The following CNN2 variants were observed in gnomAD, a reference collection of about 807,000 sequenced individuals.
The protein encoded by CNN2 is calponin 2.
In CNN2, 21 loss-of-function variants were observed where a neutral mutation model predicts 31.0. The observed-to-expected ratio is 0.68, with a 90% CI of 0.48 to 0.98. CNN2 has a LOEUF of 0.98. CNN2 is among the 50% of genes least tolerant of loss of function. CNN2 has a pLI of 0.00. For synonymous variants in CNN2, 165 were observed against 179.6 expected (o/e 0.92, Z 0.65); for missense variants, 399 against 427.3 (o/e 0.93, Z 0.58).
intron 1 of CNN2, among the ~76,000 whole-genome samples, chr19:1,027,342 T>G (rs1428173254): frequency 6.6e-6 from 1 of 152,206 alleles, no homozygotes; most frequent in Non-Finnish European, 1.5e-5. Flanking sequence ...TCTCTGAAGG[T>G]GGCCCTGAGA....
rs1009456587 is a variant in CNN2, at chr19:1,036,130, G to A, written c.391G>A (p.Ala131Thr). 1.2e-6 allele frequency: 2 copies of A among 1,607,666 alleles called. No individual in the cohort carries two copies. Among genetic ancestry groups the A allele is most frequent in the Non-Finnish European group, 1.7e-6 (2 of 1,176,552 alleles). The change falls in exon 5 of 7, where the codon GCC becomes ACC. Residue 131 changes from alanine to threonine, a missense_variant and splice_region_variant. Ala to Thr is a moderately conservative substitution (Grantham distance 58). Transcript: ENST00000263097. ...CTCCCGGCCCCTTTCCCTCACCCAG[G>A]CCAAGACTAAGGGGCTGCAGAGCGG... is the stretch of plus-strand genomic sequence containing the variant. ...QVSLLALAGKAKTKGLQSGVD... is the reference protein window; with the variant it reads ...QVSLLALAGKTKTKGLQSGVD...
intron 1 of CNN2, among the ~76,000 whole-genome samples, chr19:1,030,750 T>G (rs1247321313): frequency 6.6e-6 from 1 of 150,906 alleles, no homozygotes; most frequent in Non-Finnish European, 1.5e-5. Context: ...AGCGGGGAGG[T>G]GAGAAGGCAG....
At chr19:1,030,867 T>C in intron 1 of CNN2, 1 of 564,466 alleles carries the variant, frequency 1.8e-6, no homozygotes, top group Non-Finnish European at 3.1e-6. Flanking sequence ...GAGGGCGGTT[T>C]ATCTGTGCCC....
intron 1 of CNN2, among the ~76,000 whole-genome samples, chr19:1,028,331 G>C (rs1290369651): frequency 1.3e-5 from 2 of 152,132 alleles, no homozygotes; most frequent in African/African-American, 4.8e-5. Flanking sequence ...CGCTTAGCAG[G>C]CTCCCCGCGC....
At chr19:1,031,724 C>T (rs1012432860) in intron 2 of CNN2, among the ~76,000 whole-genome samples, 17 of 150,670 alleles carry the variant, frequency 1.1e-4, no homozygotes, top group Admixed American at 4.6e-4. Flanking sequence ...AAGTGATTCC[C>T]CTGCCTCAGC....
chr19:1,037,821 C>T lies in CNN2; in HGVS notation c.851C>T (p.Pro284Leu). 1 of 1,608,444 alleles carries T rather than the reference C, an allele frequency of 6.2e-7. No individual in the cohort carries two copies. ...CAAGGCACAGTGGCCGATGGGGCTC[C>T]CTCGGGCACCGGCGACTGCCCGGAC... The part of the protein sequence containing the change: ...CPQGTVADGA[P>L]SGTGDCPDPG... The change falls in exon 7 of 7, where the codon CCC (proline) becomes CTC (leucine). Residue 284 changes from proline (P) to leucine (L), a missense_variant. Physicochemically the swap from Pro to Leu is moderately conservative, Grantham distance 98. Coordinates refer to ENST00000263097, the MANE Select transcript of CNN2 (RefSeq NM_004368.4).
At position 1,026,674 on chromosome 19, in the gene CNN2, C is replaced by A; in HGVS notation, c.13C>A (p.Gln5Lys). Residue 5 changes from glutamine (Q) to lysine (K), a missense_variant, in exon 1 of 7, where the codon CAG becomes AAG. Coordinates refer to ENST00000263097, the MANE Select transcript of CNN2 (RefSeq NM_004368.4). ...CCGCCCGCCAGCCATGAGCTCCACGCAGTTCAACAAGGGCCCCTCGTACGG... is the reference window on the plus strand; with the variant it reads ...CCGCCCGCCAGCCATGAGCTCCACGAAGTTCAACAAGGGCCCCTCGTACGG... MSST[Q>K]FNKGPSYGLS... is the part of the protein sequence containing the mutation. 6.5e-7 allele frequency: 1 copy of A among 1,547,500 alleles called. No individual in the cohort carries two copies. Among genetic ancestry groups the A allele is most frequent in the African/African-American group, 1.4e-5 (1 of 72,612 alleles).
At chr19:1,032,370 C>A (rs10401325) in intron 2 of CNN2, 22 bp from the exon 3 acceptor site, 5 of 1,612,562 alleles carry the variant, frequency 3.1e-6, no homozygotes, top group Non-Finnish European at 4.2e-6. Flanking sequence ...CTGTTTCCCC[C>A]GCCCCATGTT....
At position 1,036,535 on chromosome 19, in the gene CNN2, G is replaced by C. The variant is rs777565435; in HGVS notation, c.627G>C (p.Gln209His). ...TGGACCACTCGACCATCAGCCTCCA[G>C]ATGGGCACGAACAAGTGTGCCAGCC... Reference protein sequence around the residue: ...PPMDHSTISLQMGTNKCASQV... With the variant: ...PPMDHSTISLHMGTNKCASQV... The change falls in exon 6 of 7, where the codon CAG (glutamine) becomes CAC (histidine). Residue 209 changes from glutamine to histidine, a missense_variant. Gln to His is a conservative substitution (Grantham distance 24). Transcript: ENST00000263097. 1.1e-5 allele frequency: 18 copies of C among 1,613,612 alleles called. No homozygotes were observed. Among genetic ancestry groups the C allele is most frequent in the Non-Finnish European group, 1.5e-5 (18 of 1,179,700 alleles).
intron 1 of CNN2, chr19:1,026,971 A>C: frequency 1.1e-5 from 5 of 465,994 alleles, no homozygotes; most frequent in African/African-American, 2.1e-5. Flanking sequence ...CCCCCCCAAC[A>C]TCTAGGGGTA....
intron 1 of CNN2, among the ~76,000 whole-genome samples, chr19:1,027,760 C>T (rs2039421994): frequency 1.3e-5 from 2 of 152,144 alleles, no homozygotes. Context: ...CACTGGGCAC[C>T]TGGGAAGGTG....
chr19:1,026,813 C>T (rs1250309669), intron 1 of CNN2, 89 bp downstream of exon 1: 7 of 1,306,182 alleles, frequency 5.4e-6, no homozygotes, highest in East Asian at 2.9e-5. Context: ...CCCGGCACCT[C>T]CCGGGCAGGG....
At chr19:1,032,514 G>A in intron 3 of CNN2, 45 bp from the exon 4 acceptor site, 2 of 1,613,442 alleles carry the variant, frequency 1.2e-6, no homozygotes, top group Non-Finnish European at 1.7e-6. Context: ...CTAACAGGTG[G>A]GGAGACTGAG....
At chr19:1,028,706 G>A (rs868551199) in intron 1 of CNN2, among the ~76,000 whole-genome samples, 73 of 152,176 alleles carry the variant, frequency 4.8e-4, no homozygotes, top group Middle Eastern at 3.4e-3. Flanking sequence ...CAGCGGGGGG[G>A]CGGGGGTGGG....
At chr19:1,037,540 G>A in intron 6 of CNN2, 85 bp from the exon 7 acceptor site, 9 of 1,530,088 alleles carry the variant, frequency 5.9e-6, no homozygotes, top group Non-Finnish European at 7.1e-6. Flanking sequence ...CCAAAGTGCT[G>A]GGATTACAGG....
intron 6 of CNN2, 60 bp downstream of exon 6, chr19:1,036,622 G>A (rs777495051): frequency 1.5e-5 from 24 of 1,606,960 alleles, no homozygotes; most frequent in Admixed American, 3.3e-5. Flanking sequence ...CTGTGGTCTC[G>A]GCCCCTCCCT....
rs2039628824 is a variant in CNN2 at position 1,038,033 on chromosome 19, G to A, written c.*133G>A. 3 of 924,378 alleles carry A rather than the reference G, an allele frequency of 3.2e-6. No homozygotes were observed. The highest frequency in any genetic ancestry group is 3.2e-6 in the Non-Finnish European group (2 of 628,872). 57.3% of individuals were successfully genotyped at this position (924,378 alleles called of 1,614,324 possible). On this transcript the variant is annotated 3_prime_UTR_variant, in exon 7 of 7. Transcript: ENST00000263097. Reference sequence around the variant, plus strand: ...CAACCAAGGGTCTGTGAGTGTCAGCGTGGGATCAGGCAGCAGAGCTTTTTT... The same window carrying A: ...CAACCAAGGGTCTGTGAGTGTCAGCATGGGATCAGGCAGCAGAGCTTTTTT...
In CNN2 at chr19:1,037,936, C is replaced by G. The variant is rs991886423; in HGVS notation, c.*36C>G. 7.0e-7 allele frequency: 1 copy of G among 1,433,592 alleles called. No homozygotes were observed. Among genetic ancestry groups the G allele is most frequent in the South Asian group, 1.4e-5 (1 of 73,010 alleles). The allele number at this position is 1,433,592 out of a possible 1,614,324, so 88.8% of individuals were successfully genotyped here. On this transcript the variant is annotated 3_prime_UTR_variant, in exon 7 of 7. Coordinates refer to ENST00000263097, the MANE Select transcript of CNN2 (RefSeq NM_004368.4). ...ACGCTCTCTCCCCACATCGTCTGCCCATCTGGGTTTTTGGGTTTTTCTGTG... is the reference window on the plus strand; with the variant it reads ...ACGCTCTCTCCCCACATCGTCTGCCGATCTGGGTTTTTGGGTTTTTCTGTG...
At position 1,026,857 on chromosome 19, in the gene CNN2, C is replaced by T. The variant is rs1361646095; in HGVS notation, c.63+133C>T. 9.9e-6 allele frequency: 8 copies of T among 810,436 alleles called. No individual in the cohort carries two copies. The East Asian group carries it at 2.0e-4, about 20-fold the overall frequency. The allele number at this position is 810,436 out of a possible 1,614,324, so 50.2% of individuals were successfully genotyped here. Reference sequence around the variant, plus strand: ...GACCCGGGGCGGACGGGCCCTTGTTCTCCCTGACGCCTGGTGGGGGGATGT... The same window carrying T: ...GACCCGGGGCGGACGGGCCCTTGTTTTCCCTGACGCCTGGTGGGGGGATGT... On this transcript the variant is annotated intron_variant, in intron 1 of 6. Coordinates refer to ENST00000263097, the MANE Select transcript of CNN2 (RefSeq NM_004368.4).
Sources: allele counts gnomAD v4.1 joint callset (sites outside exome capture counted in the v4.1 genomes callset), GRCh38; gene constraint gnomAD v4.1.1; transcripts MANE v1.5; gene names NCBI Gene and HGNC (gene_info 2026-07-23, HGNC 2026-07-21).